The following BTBD9 variants were observed in gnomAD, a reference collection of about 807,000 sequenced individuals.
BTBD9 encodes the protein BTB domain containing 9, also known as BTB/POZ domain-containing protein 9.
BTBD9 carries 49 observed loss-of-function variants against 64.3 expected under a neutral mutation model. The ratio of observed to expected loss-of-function variants is 0.76; its 90% CI spans 0.61 to 0.97. The LOEUF (loss-of-function observed/expected upper bound fraction) is 0.97. Among genes scored for constraint, BTBD9 ranks in the 50% least tolerant of loss-of-function variants. The pLI, the probability that BTBD9 is intolerant of heterozygous loss-of-function variation, is 0.00. For synonymous variants in BTBD9, 260 were observed against 274.7 expected, an observed-to-expected ratio of 0.95 and a Z score of 0.53; for missense variants, 598 against 762.1, an observed-to-expected ratio of 0.78 and a Z score of 2.53.
chr6:38,216,079 G>A (rs1017225750), intron 9 of BTBD9, among the ~76,000 whole-genome samples: 1 of 152,096 alleles, frequency 6.6e-6, no homozygotes, highest in South Asian at 2.1e-4. Context: ...AATTAGAGAT[G>A]ACAAGTATTC....
At chr6:38,491,202 C>T (rs1435232117) in intron 6 of BTBD9, among the ~76,000 whole-genome samples, 1 of 152,188 alleles carries the variant, frequency 6.6e-6, no homozygotes, top group African/African-American at 2.4e-5. Flanking sequence ...GTTTGTAGTA[C>T]AGATGAAAGT....
chr6:38,614,238 C>T (rs760955140), intron 1 of BTBD9, among the ~76,000 whole-genome samples: 23 of 152,172 alleles, frequency 1.5e-4, no homozygotes, highest in Non-Finnish European at 2.9e-4. Flanking sequence ...TCTAGGTCAC[C>T]TCTTCTGTCA....
intron 6 of BTBD9, among the ~76,000 whole-genome samples, chr6:38,503,217 C>T (rs1230914880): frequency 1.3e-5 from 2 of 152,130 alleles, no homozygotes; most frequent in East Asian, 1.9e-4. Flanking sequence ...AATCCCCCAT[C>T]GCCCTACTCT....
intron 9 of BTBD9, among the ~76,000 whole-genome samples, chr6:38,217,263 G>A (rs1160772780): frequency 2.8e-5 from 4 of 141,354 alleles, no homozygotes; most frequent in South Asian, 4.5e-4. Context: ...AGGTTGCAGT[G>A]AGCCGAGATA....
chr6:38,452,753 A>C (rs1769615341), intron 6 of BTBD9, among the ~76,000 whole-genome samples: 1 of 152,010 alleles, frequency 6.6e-6, no homozygotes. Flanking sequence ...AAAAATGATA[A>C]ATTTCTTGTT....
At chr6:38,543,259 A>C (rs1002970634) in intron 6 of BTBD9, among the ~76,000 whole-genome samples, 1 of 151,946 alleles carries the variant, frequency 6.6e-6, no homozygotes, top group Non-Finnish European at 1.5e-5. Context: ...TTCCCCACCC[A>C]AGCCTATAAC....
At chr6:38,527,443 G>A (rs1324602822) in intron 6 of BTBD9, among the ~76,000 whole-genome samples, 1 of 152,004 alleles carries the variant, frequency 6.6e-6, no homozygotes, top group Non-Finnish European at 1.5e-5. Flanking sequence ...TGGATCACAG[G>A]GGCAGTATCC....
intron 9 of BTBD9, among the ~76,000 whole-genome samples, chr6:38,210,293 ATCTC>A (rs373684615): frequency 2.0e-5 from 3 of 150,918 alleles, no homozygotes; most frequent in African/African-American, 4.9e-5. Flanking sequence ...TTAGATAATT[ATCTC>A]TCTCTCTCTC....
rs570748689 is a variant in BTBD9 at position 38,487,033 on chromosome 6, T to C, written c.1154+90567A>G. On this transcript the variant is annotated intron_variant, in intron 6 of 10. Coordinates refer to ENST00000481247, the MANE Select transcript of BTBD9 (RefSeq NM_001099272.2). ...AAGAGAGAGTTGAGATGGGCCCTGC[T>C]GAGAGCATGAGAGTTAACTACTTGA... Among the ~76,000 whole-genome samples the C allele has an allele frequency of 3.3e-5, 5 of 152,364 alleles. No individual in the cohort carries two copies. In the South Asian group the frequency reaches 1.0e-3, roughly 32 times the overall value.
At chr6:38,304,698 T>C (rs1164529067) in intron 7 of BTBD9, among the ~76,000 whole-genome samples, 1 of 152,200 alleles carries the variant, frequency 6.6e-6, no homozygotes, top group Non-Finnish European at 1.5e-5. Flanking sequence ...CTCAAAGTGC[T>C]AGGACTACAG....
chr6:38,549,653 C>T (rs1774706340), intron 6 of BTBD9, among the ~76,000 whole-genome samples: 1 of 152,114 alleles, frequency 6.6e-6, no homozygotes, highest in African/African-American at 2.4e-5. Flanking sequence ...ACAGTTGACA[C>T]CAGAAGTGAC....
chr6:38,592,923 T>A, intron 3 of BTBD9, 83 bp from the exon 4 acceptor site: 1 of 1,414,336 alleles, frequency 7.1e-7, no homozygotes, highest in Non-Finnish European at 9.7e-7. Flanking sequence ...ACAGGACAAG[T>A]ATAACTTAGC....
rs59014161 is a variant in BTBD9 at position 38,505,964 on chromosome 6, C to CAAAAA, written c.1154+71631_1154+71635dup. 7.3e-4 allele frequency among the ~76,000 whole-genome samples: 60 copies of CAAAAA among 82,648 alleles called. 6 individuals carry two copies. The highest frequency in any genetic ancestry group is 1.3e-3 in the Admixed American group (8 of 6,336). The allele number at this position is 82,648 out of a possible 152,430, so 54.2% of individuals were successfully genotyped here. ...TGGCAACAGCATGGCTCCGTCTCAA[C>CAAAAA]AAAAAAAAAAAAAAAAAAAAGGAAC... On this transcript the variant is annotated intron_variant, in intron 6 of 10. Coordinates refer to ENST00000481247, the MANE Select transcript of BTBD9 (RefSeq NM_001099272.2).
At chr6:38,191,316 C>T (rs888893118) in intron 10 of BTBD9, among the ~76,000 whole-genome samples, 2 of 152,130 alleles carry the variant, frequency 1.3e-5, no homozygotes, top group African/African-American at 4.8e-5. Flanking sequence ...CCAGAAACAC[C>T]TTGATGTGTT....
intron 9 of BTBD9, among the ~76,000 whole-genome samples, chr6:38,249,519 G>C (rs1203307670): frequency 6.6e-6 from 1 of 151,980 alleles, no homozygotes; most frequent in Admixed American, 6.6e-5. Context: ...TCCTGCCTCA[G>C]CCTCCCAAAG....
At chr6:38,548,809 T>C (rs1774671164) in intron 6 of BTBD9, among the ~76,000 whole-genome samples, 1 of 152,180 alleles carries the variant, frequency 6.6e-6, no homozygotes, top group African/African-American at 2.4e-5. Context: ...GGACAAAAGT[T>C]TGACACAGTA....
At chr6:38,300,448 G>C (rs1762345706) in intron 7 of BTBD9, among the ~76,000 whole-genome samples, 1 of 152,082 alleles carries the variant, frequency 6.6e-6, no homozygotes, top group Non-Finnish European at 1.5e-5. Context: ...ATTACCTTGG[G>C]CAGTGTGACC....
At chr6:38,463,511 T>C (rs547801349) in intron 6 of BTBD9, among the ~76,000 whole-genome samples, 1 of 152,362 alleles carries the variant, frequency 6.6e-6, no homozygotes, top group Non-Finnish European at 1.5e-5. Context: ...ATTGAATTTC[T>C]AGAGATGCCC....
intron 5 of BTBD9, 83 bp from the exon 6 acceptor site, chr6:38,577,802 G>A: frequency 2.4e-6 from 3 of 1,255,452 alleles, no homozygotes; most frequent in African/African-American, 1.5e-5. Flanking sequence ...GTGTTAAAAG[G>A]TACAAAAAAT....
Sources: gnomAD v4.1 joint callset for allele counts (sites outside exome capture counted in the v4.1 genomes callset) on GRCh38, gnomAD v4.1.1 for gene constraint, MANE v1.5 for transcripts, NCBI Gene and HGNC (gene_info 2026-07-23, HGNC 2026-07-21) for gene names.